Variants in JAKMIP3 observed in about 807,000 individuals in gnomAD.
The protein encoded by JAKMIP3 is Janus kinase and microtubule interacting protein 3.
Under a neutral mutation model 118.5 loss-of-function variants are expected in JAKMIP3, and 58 were observed. The ratio of observed to expected loss-of-function variants is 0.49; its 90% CI spans 0.40 to 0.61. JAKMIP3 has a LOEUF of 0.61. JAKMIP3 is among the 20% of genes least tolerant of loss of function. The pLI is 0.00. For synonymous variants in JAKMIP3, 486 were observed against 451.2 expected (o/e 1.08, Z -0.98); for missense variants, 950 against 1,109.0 (o/e 0.86, Z 2.04).
chr10:132,098,176 C>T (rs1385722980), intron 1 of JAKMIP3, among the ~76,000 whole-genome samples: 1 of 151,784 alleles, frequency 6.6e-6, no homozygotes, highest in African/African-American at 2.4e-5. Context: ...GCTGGGACCA[C>T]AGGTGCCCAC....
At chr10:132,127,921 T>C (rs866745049) in intron 3 of JAKMIP3, among the ~76,000 whole-genome samples, 8 of 152,358 alleles carry the variant, frequency 5.3e-5, no homozygotes, top group African/African-American at 1.9e-4. Context: ...ATTTACCCAC[T>C]TCTCCTATGA....
At chr10:132,054,492 C>A (rs566755585) in intron 1 of JAKMIP3, among the ~76,000 whole-genome samples, 5 of 152,190 alleles carry the variant, frequency 3.3e-5, no homozygotes, top group Non-Finnish European at 7.4e-5. Context: ...GCTAGCTTGG[C>A]AGATATGGGG....
intron 9 of JAKMIP3, among the ~76,000 whole-genome samples, chr10:132,139,256 G>A (rs113582752): frequency 9.4e-5 from 10 of 106,400 alleles, no homozygotes; most frequent in East Asian, 2.2e-4. Flanking sequence ...GTGTATGTGT[G>A]TGTGTGTATG....
At chr10:132,161,491 T>TG (rs1183873229) in intron 19 of JAKMIP3, among the ~76,000 whole-genome samples, 18 of 47,494 alleles carry the variant, frequency 3.8e-4, no homozygotes, top group African/African-American at 8.0e-4. Context: ...TGTGTGATGC[T>TG]GGGGGGGTCT....
In JAKMIP3 at chr10:132,117,184, G is replaced by A; in HGVS notation, c.243G>A (p.Glu81=). 1 of 1,613,964 alleles carries A rather than the reference G, an allele frequency of 6.2e-7. No individual in the cohort carries two copies. The highest frequency in any genetic ancestry group is 8.5e-7 in the Non-Finnish European group (1 of 1,179,912). ...CGGAGCTCAAGACAAAGCTGCACGA[G>A]GAGAAGATGAAGGAGCTACAGGCTG... ...LLTELKTKLH[E]EKMKELQAVR... The change falls in exon 3 of 24, where the codon GAG becomes GAA. Residue 81 remains glutamate (E), a synonymous_variant. Transcript: ENST00000684848. This position sits in a 1 kb window ranked among gnomAD's most constrained non-coding sequence, Gnocchi z 8.6.
chr10:132,107,797 G>C (rs554861166), intron 2 of JAKMIP3, among the ~76,000 whole-genome samples: 1 of 152,226 alleles, frequency 6.6e-6, no homozygotes, highest in Non-Finnish European at 1.5e-5. Flanking sequence ...AGGCTGATTC[G>C]ATTCTCGGCT....
intron 19 of JAKMIP3, among the ~76,000 whole-genome samples, chr10:132,154,827 CAATGGT>C (rs1564973823): frequency 9.7e-6 from 1 of 103,582 alleles, no homozygotes; most frequent in African/African-American, 3.6e-5. Flanking sequence ...CTGGCAATGG[CAATGGT>C]GATGGTGGTG....
chr10:132,114,603 C>G (rs2047348194), intron 2 of JAKMIP3, among the ~76,000 whole-genome samples: 1 of 152,190 alleles, frequency 6.6e-6, no homozygotes, highest in South Asian at 2.1e-4. Context: ...GCATTTCCAT[C>G]TACATTTTAG....
intron 19 of JAKMIP3, among the ~76,000 whole-genome samples, chr10:132,159,618 G>A (rs1299117334): frequency 8.5e-6 from 1 of 118,270 alleles, no homozygotes; most frequent in Non-Finnish European, 1.8e-5. Flanking sequence ...GTGATGCTGG[G>A]GGTCCTCTTC....
At chr10:132,092,328 G>C (rs1374791300) in intron 1 of JAKMIP3, among the ~76,000 whole-genome samples, 1 of 152,110 alleles carries the variant, frequency 6.6e-6, no homozygotes, top group East Asian at 1.9e-4. Flanking sequence ...TGCTAGGTTG[G>C]GGAAGTTCTC....
chr10:132,161,387 G>A (rs200063688), intron 19 of JAKMIP3, among the ~76,000 whole-genome samples: 1 of 21,114 alleles, frequency 4.7e-5, no homozygotes, highest in Non-Finnish European at 8.4e-5. Context: ...TGTGATGCTG[G>A]GGGGGGTCTA....
chr10:132,148,387 G>T (rs1244389898), intron 14 of JAKMIP3, among the ~76,000 whole-genome samples: 1 of 152,180 alleles, frequency 6.6e-6, no homozygotes, highest in Non-Finnish European at 1.5e-5. Context: ...ACAAAAGCAC[G>T]ACGGGTGACA....
chr10:132,067,621 G>GGAC (rs1433915527), intron 1 of JAKMIP3, among the ~76,000 whole-genome samples: 1 of 37,428 alleles, frequency 2.7e-5, no homozygotes, highest in East Asian at 9.9e-4. Flanking sequence ...GCTTCCGTGT[G>GGAC]TACTGTGGGC....
intron 19 of JAKMIP3, among the ~76,000 whole-genome samples, chr10:132,161,055 G>A (rs1371565592): frequency 3.3e-5 from 4 of 122,850 alleles, no homozygotes; most frequent in Non-Finnish European, 5.3e-5. Flanking sequence ...TGCTGGGGGC[G>A]TGTCTTTCTG....
chr10:132,158,255 A>G (rs79360798), intron 19 of JAKMIP3, among the ~76,000 whole-genome samples: 21,436 of 152,150 alleles, frequency 0.14, 1,792 homozygotes, highest in South Asian at 0.27. Flanking sequence ...GAAGTGGCCT[A>G]TGGGCCCCCT....
At chr10:132,133,597 C>A in intron 4 of JAKMIP3, 70 bp downstream of exon 4, 1 of 1,367,100 alleles carries the variant, frequency 7.3e-7, no homozygotes, top group Non-Finnish European at 1.0e-6. Flanking sequence ...CTGCATGGCC[C>A]TGCATGGGCC....
intron 9 of JAKMIP3, among the ~76,000 whole-genome samples, chr10:132,139,323 T>A (rs2380101): frequency 0.23 from 26,813 of 118,896 alleles, 4,267 homozygotes; most frequent in African/African-American, 0.41. Flanking sequence ...TATGTGTATG[T>A]GTGTGTGTTT....
chr10:132,109,783 G>C (rs1327618414), intron 2 of JAKMIP3, among the ~76,000 whole-genome samples: 1 of 152,208 alleles, frequency 6.6e-6, no homozygotes, highest in Non-Finnish European at 1.5e-5. Context: ...AAGCCTTCGG[G>C]GCCCCTGGGC....
At chr10:132,122,138 C>T (rs1399009819) in intron 3 of JAKMIP3, among the ~76,000 whole-genome samples, 1 of 152,228 alleles carries the variant, frequency 6.6e-6, no homozygotes, top group Non-Finnish European at 1.5e-5. Flanking sequence ...GCACAGCACC[C>T]CTGTCCCCGC....
Sources: gnomAD v4.1 joint callset for allele counts (sites outside exome capture counted in the v4.1 genomes callset) on GRCh38, gnomAD v4.1.1 for gene constraint, Gnocchi (gnomAD v3.1) non-coding constraint, MANE v1.5 for transcripts, NCBI Gene and HGNC (gene_info 2026-07-23, HGNC 2026-07-21) for gene names.